Variants in TMPRSS12 observed in about 807,000 individuals in gnomAD.
TMPRSS12 encodes transmembrane serine protease 12, also known as transmembrane protease serine 12.
Under a neutral mutation model 26.0 loss-of-function variants are expected in TMPRSS12, and 25 were observed. That is an observed-to-expected ratio of 0.96 (90% CI 0.70 to 1.34). The LOEUF is 1.34. Among genes scored for constraint, TMPRSS12 ranks in the 40% most tolerant of loss-of-function variants. TMPRSS12 has a pLI of 0.00. For synonymous variants in TMPRSS12, 150 were observed against 161.7 expected (o/e 0.93, Z 0.55); for missense variants, 441 against 440.1 (o/e 1.00, Z -0.02).
At chr12:50,843,272 T>C in intron 1 of TMPRSS12, 121 bp downstream of exon 1, 1 of 981,766 alleles carries the variant, frequency 1.0e-6, no homozygotes, top group Non-Finnish European at 1.4e-6. Context: ...AAATTTTACA[T>C]ACCTAAGCAG....
intron 3 of TMPRSS12, among the ~76,000 whole-genome samples, chr12:50,884,625 A>T (rs1237919838): frequency 4.6e-5 from 7 of 152,094 alleles, no homozygotes; most frequent in African/African-American, 1.2e-4. Flanking sequence ...TAATCCTAGC[A>T]CTTTGGGAGG....
intron 3 of TMPRSS12, among the ~76,000 whole-genome samples, chr12:50,861,571 GA>G (rs932566322): frequency 6.6e-6 from 1 of 152,106 alleles, no homozygotes; most frequent in African/African-American, 2.4e-5. Flanking sequence ...AACAATAATA[GA>G]AGCAACTACC....
At chr12:50,855,152 A>C (rs958264916) in intron 2 of TMPRSS12, among the ~76,000 whole-genome samples, 1 of 152,232 alleles carries the variant, frequency 6.6e-6, no homozygotes, top group Non-Finnish European at 1.5e-5. Context: ...ACCCAGAAAC[A>C]AAGCTGCTGG....
At chr12:50,872,596 G>GTATATGTACATATATATGCCGTA (rs1938059171) in intron 3 of TMPRSS12, among the ~76,000 whole-genome samples, 2 of 90,808 alleles carry the variant, frequency 2.2e-5, no homozygotes, top group Admixed American at 1.1e-4. Flanking sequence ...TATATATGAC[G>GTATATGTACATATATATGCCGTA]TATATGTACA....
chr12:50,885,472 G>A, intron 4 of TMPRSS12, 84 bp downstream of exon 4: 1 of 1,477,338 alleles, frequency 6.8e-7, no homozygotes, highest in East Asian at 2.3e-5. Context: ...ACTTTCTGGT[G>A]GTCTTAATTA....
chr12:50,859,013 A>G lies in TMPRSS12; in HGVS notation c.612A>G (p.Thr204=). 6.2e-7 allele frequency: 1 copy of G among 1,603,548 alleles called. No individual in the cohort carries two copies. Residue 204 remains threonine (T), a synonymous_variant, in exon 3 of 5, where the codon ACA becomes ACG. Transcript: ENST00000398458. ...FDVFQILDGN[T]KCFISGWGRT... ...TTTTCCAAATCCTGGACGGAAACAC[A>G]AAGTGTTTTATAAGTGGCTGGGGAA...
chr12:50,864,913 C>T (rs1937976470), intron 3 of TMPRSS12, among the ~76,000 whole-genome samples: 1 of 152,146 alleles, frequency 6.6e-6, no homozygotes, highest in African/African-American at 2.4e-5. Flanking sequence ...CCCACCTCGG[C>T]CTCCTAAAGT....
chr12:50,850,157 G>C (rs1937811995), intron 2 of TMPRSS12, among the ~76,000 whole-genome samples: 1 of 152,196 alleles, frequency 6.6e-6, no homozygotes, highest in African/African-American at 2.4e-5. Context: ...ATGTTGGAAT[G>C]TAATCCCCAG....
chr12:50,868,981 T>C (rs1421196223), intron 3 of TMPRSS12, among the ~76,000 whole-genome samples: 1 of 151,962 alleles, frequency 6.6e-6, no homozygotes, highest in African/African-American at 2.4e-5. Context: ...TCAAAACCTC[T>C]GAAATACAGC....
In TMPRSS12 at chr12:50,887,475, A is replaced by G. The variant is rs1237911340; in HGVS notation, c.1009A>G (p.Ile337Val). 19 of 1,613,678 alleles carry G rather than the reference A, an allele frequency of 1.2e-5. No individual in the cohort carries two copies. The highest frequency in any genetic ancestry group is 1.6e-5 in the Non-Finnish European group (19 of 1,179,836). Reference protein sequence around the residue: ...TINILRGQILIALCFVILLAT... With the variant: ...TINILRGQILVALCFVILLAT... ...AAATATTTTACGTGGCCAGATCCTC[A>G]TAGCTTTATGTTTTGTCATCTTACT... The change falls in exon 5 of 5, where the codon ATA (isoleucine) becomes GTA (valine). Residue 337 changes from isoleucine to valine, a missense_variant. Transcript: ENST00000398458.
intron 3 of TMPRSS12, among the ~76,000 whole-genome samples, chr12:50,862,524 A>G (rs1019188734): frequency 1.3e-5 from 2 of 151,510 alleles, no homozygotes; most frequent in Admixed American, 1.3e-4. Context: ...ATGACCCAGC[A>G]TATAATTTTT....
chr12:50,876,098 T>C (rs1220106203), intron 3 of TMPRSS12, among the ~76,000 whole-genome samples: 2 of 152,072 alleles, frequency 1.3e-5, no homozygotes, highest in African/African-American at 4.8e-5. Flanking sequence ...GCAAAAGACA[T>C]GAACAGATAC....
At chr12:50,847,927 A>G (rs1173070894) in intron 2 of TMPRSS12, 5 of 151,830 alleles carry the variant, frequency 3.3e-5, no homozygotes, top group African/African-American at 1.2e-4. Context: ...ACACATATAT[A>G]TTCTTCAACT....
At position 50,887,660 on chromosome 12, in the gene TMPRSS12, G is replaced by T. The variant is rs1419271922; in HGVS notation, c.*147G>T. ...TTTATGGGCTATAAGTATTGTGACA[G>T]ATATACAATTGTAATTTTGGCACTG... is the stretch of plus-strand genomic sequence containing the variant. On this transcript the variant is annotated 3_prime_UTR_variant, in exon 5 of 5. Transcript: ENST00000398458. The T allele has an allele frequency of 1.0e-6, 1 of 967,796 alleles. No homozygotes were observed. The highest frequency in any genetic ancestry group is 1.5e-6 in the Non-Finnish European group (1 of 676,064). The allele number at this position is 967,796 out of a possible 1,614,324, so 60.0% of individuals were successfully genotyped here. A position where few individuals can be genotyped will look rare whatever the true frequency, so the allele number is the denominator to read the frequency against.
In TMPRSS12 at chr12:50,859,077, G is replaced by A. The variant is rs375348899; in HGVS notation, c.652+24G>A. ...AGGTAATTATGGTCTGAATTTTACT[G>A]ATACACATTTTCCTGATTATGGGCA... On this transcript the variant is annotated intron_variant, in intron 3 of 4. Coordinates refer to ENST00000398458, the MANE Select transcript of TMPRSS12 (RefSeq NM_182559.3). 7 of 1,533,236 alleles carry A rather than the reference G, an allele frequency of 4.6e-6. No homozygotes were observed. The African/African-American group carries it at 9.7e-5, about 21-fold the overall frequency. The allele number at this position is 1,533,236 out of a possible 1,614,324, so 95.0% of individuals were successfully genotyped here.
chr12:50,880,966 C>CTTTTTTTTTTTTTTTTTT (rs869152225), intron 3 of TMPRSS12, among the ~76,000 whole-genome samples: 2 of 61,786 alleles, frequency 3.2e-5, no homozygotes, highest in Non-Finnish European at 2.9e-5. Flanking sequence ...TCAGTAATTT[C>CTTTTTTTTTTTTTTTTTT]TTTTTTTTTT....
chr12:50,866,348 G>A (rs1175966546), intron 3 of TMPRSS12, among the ~76,000 whole-genome samples: 2 of 152,110 alleles, frequency 1.3e-5, no homozygotes, highest in Non-Finnish European at 2.9e-5. Flanking sequence ...GATGAGGCCT[G>A]TGATTGCCAG....
intron 3 of TMPRSS12, among the ~76,000 whole-genome samples, chr12:50,871,569 C>A (rs572476032): frequency 3.3e-5 from 5 of 152,162 alleles, no homozygotes; most frequent in Non-Finnish European, 7.4e-5. Flanking sequence ...CAAAAGCAAA[C>A]GCAATACAAA....
intron 2 of TMPRSS12, among the ~76,000 whole-genome samples, chr12:50,850,772 C>T (rs553977143): frequency 6.6e-5 from 10 of 152,304 alleles, no homozygotes; most frequent in South Asian, 2.1e-4. Context: ...TGCCACTGCC[C>T]GGACAAAGTG....
Sources: allele counts gnomAD v4.1 joint callset (sites outside exome capture counted in the v4.1 genomes callset), GRCh38; gene constraint gnomAD v4.1.1; transcripts MANE v1.5; gene names NCBI Gene and HGNC (gene_info 2026-07-23, HGNC 2026-07-21).